The following TANC2 variants were observed in gnomAD, a reference collection of about 807,000 sequenced individuals.
TANC2 encodes the protein tetratricopeptide repeat, ankyrin repeat and coiled-coil containing 2.
TANC2 carries 26 observed loss-of-function variants against 210.5 expected under a neutral mutation model. The ratio of observed to expected loss-of-function variants is 0.12; its 90% confidence interval spans 0.09 to 0.17. The LOEUF (loss-of-function observed/expected upper bound fraction) is 0.17, where lower values mean the gene tolerates loss of function less well. Among genes scored for constraint, TANC2 ranks in the 10% least tolerant of loss-of-function variants. The pLI, the probability that TANC2 is intolerant of heterozygous loss-of-function variation, is 1.00. For synonymous variants in TANC2, 931 were observed against 967.1 expected, an observed-to-expected ratio of 0.96 and a Z score of 0.69; for missense variants, 2,129 against 2,608.9, an observed-to-expected ratio of 0.82 and a Z score of 4.01.
chr17:63,193,959 G>T (rs1462617348), intron 5 of TANC2, 32 bp from the exon 6 acceptor site: 4 of 1,587,006 alleles, frequency 2.5e-6, no homozygotes, highest in Non-Finnish European at 3.4e-6. Flanking sequence ...TATTTTGAAA[G>T]ATTCATGTTC....
chr17:63,042,605 A>C (rs1204515276), intron 2 of TANC2, among the ~76,000 whole-genome samples: 1 of 152,164 alleles, frequency 6.6e-6, no homozygotes, highest in Non-Finnish European at 1.5e-5. Context: ...CATTGTATTA[A>C]AAAATACTCG....
At chr17:63,284,112 G>C (rs2044148533) in intron 9 of TANC2, among the ~76,000 whole-genome samples, 2 of 151,914 alleles carry the variant, frequency 1.3e-5, no homozygotes, top group African/African-American at 4.8e-5. Context: ...TTCCATATCA[G>C]ATTAAGGAAG....
intron 5 of TANC2, among the ~76,000 whole-genome samples, chr17:63,159,002 CG>C (rs2039933970): frequency 6.6e-6 from 1 of 152,176 alleles, no homozygotes; most frequent in Non-Finnish European, 1.5e-5. Flanking sequence ...GCTATGTGGG[CG>C]TCTCCGTAGG....
At chr17:63,262,110 C>CAT (rs2043376493) in intron 8 of TANC2, among the ~76,000 whole-genome samples, 1 of 152,136 alleles carries the variant, frequency 6.6e-6, no homozygotes, top group African/African-American at 2.4e-5. Flanking sequence ...CACACACACA[C>CAT]ATATATAACA....
chr17:63,230,057 A>C (rs560969001), intron 7 of TANC2, among the ~76,000 whole-genome samples: 1 of 152,008 alleles, frequency 6.6e-6, no homozygotes, highest in East Asian at 1.9e-4. Context: ...CAACCTCCCA[A>C]AGTGATGGGA....
intron 8 of TANC2, among the ~76,000 whole-genome samples, chr17:63,242,635 T>C (rs901893696): frequency 2.0e-5 from 3 of 151,992 alleles, no homozygotes; most frequent in Admixed American, 6.6e-5. Flanking sequence ...AGGTCAAAAA[T>C]GAGTGGGATT....
At chr17:63,096,766 A>G (rs1373177967) in intron 3 of TANC2, among the ~76,000 whole-genome samples, 1 of 152,118 alleles carries the variant, frequency 6.6e-6, no homozygotes. Flanking sequence ...GGTATATACA[A>G]AGGAGTGAAA....
intron 9 of TANC2, among the ~76,000 whole-genome samples, chr17:63,276,494 CTTT>C (rs554302518): frequency 6.7e-5 from 9 of 134,170 alleles, no homozygotes; most frequent in African/African-American, 8.1e-5. Context: ...TTTTCCCTTT[CTTT>C]TTTTTTTTTT....
intron 4 of TANC2, among the ~76,000 whole-genome samples, chr17:63,107,256 T>C (rs918539065): frequency 1.3e-5 from 2 of 151,430 alleles, no homozygotes; most frequent in African/African-American, 4.9e-5. Flanking sequence ...TTCCAGGGAG[T>C]GTTATTTATA....
At chr17:62,968,704 C>T (rs766568095) in intron 1 of TANC2, among the ~76,000 whole-genome samples, 8 of 152,086 alleles carry the variant, frequency 5.3e-5, no homozygotes, top group South Asian at 2.1e-4. Flanking sequence ...TAGTTGCGCT[C>T]GGGGAACCAG....
At chr17:63,368,183 A>T (rs1035645146) in intron 14 of TANC2, among the ~76,000 whole-genome samples, 14 of 152,196 alleles carry the variant, frequency 9.2e-5, no homozygotes, top group African/African-American at 3.1e-4. Context: ...TTTATCTTGA[A>T]TGATGGATAA....
At chr17:63,249,986 A>G (rs956124238) in intron 8 of TANC2, among the ~76,000 whole-genome samples, 3 of 152,152 alleles carry the variant, frequency 2.0e-5, no homozygotes, top group African/African-American at 7.2e-5. Flanking sequence ...TCTTCTGCCC[A>G]CTTGTAGTGT....
chr17:63,287,250 A>C (rs1295343647), intron 9 of TANC2, among the ~76,000 whole-genome samples: 1 of 152,088 alleles, frequency 6.6e-6, no homozygotes, highest in Non-Finnish European at 1.5e-5. Flanking sequence ...AGATGTTCTA[A>C]TTTTATATCT....
At position 63,412,609 on chromosome 17, in the gene TANC2, T is replaced by C; in HGVS notation, c.3899-71T>C. 3 of 987,064 alleles carry C rather than the reference T, an allele frequency of 3.0e-6. No homozygotes were observed. The highest frequency in any genetic ancestry group is 4.1e-6 in the Non-Finnish European group (3 of 723,564). 61.1% of individuals were successfully genotyped at this position (987,064 alleles called of 1,614,324 possible). On this transcript the variant is annotated intron_variant, in intron 23 of 27. Transcript: ENST00000689528. The surrounding 1 kb of genome is among the most constrained non-coding windows in gnomAD (Gnocchi z 4.2). ...CCTCTCACTGCTGCTTTTTCCTTCT[T>C]TTTTTTTTTTTCACCTTCATCCATT... is the stretch of plus-strand genomic sequence containing the variant.
intron 21 of TANC2, among the ~76,000 whole-genome samples, chr17:63,410,346 C>T (rs944264536): frequency 4.7e-5 from 6 of 128,120 alleles, no homozygotes; most frequent in South Asian, 2.8e-4. Context: ...ATCCCCCCCC[C>T]CCATCTCCTA....
In TANC2 at chr17:63,421,204, A is replaced by C; in HGVS notation, c.5474A>C (p.Gln1825Pro). The C allele has an allele frequency of 6.2e-7, 1 of 1,614,006 alleles. No homozygotes were observed. Among genetic ancestry groups the C allele is most frequent in the Non-Finnish European group, 8.5e-7 (1 of 1,179,898 alleles). Reference sequence around the variant, plus strand: ...CTAGATCTGGAGCGCTCCTCCAGCCAACTAGGTTCCCCTGATGTGTCGCAT... The same window carrying C: ...CTAGATCTGGAGCGCTCCTCCAGCCCACTAGGTTCCCCTGATGTGTCGCAT... The change falls in exon 28 of 28, where the codon CAA becomes CCA. Residue 1825 changes from glutamine (Q) to proline (P), a missense_variant. Physicochemically the swap from Gln to Pro is moderately conservative, Grantham distance 76 (BLOSUM62 -1). Coordinates refer to ENST00000689528, the Ensembl canonical transcript of TANC2. The surrounding 1 kb of genome is among the most constrained non-coding windows in gnomAD (Gnocchi z 6.9).
At chr17:63,242,612 T>C (rs1199062797) in intron 8 of TANC2, among the ~76,000 whole-genome samples, 1 of 152,050 alleles carries the variant, frequency 6.6e-6, no homozygotes, top group African/African-American at 2.4e-5. Flanking sequence ...ATAATATATG[T>C]AAGAGAGATA....
chr17:63,018,919 G>A (rs2034230475), intron 2 of TANC2, among the ~76,000 whole-genome samples: 1 of 152,138 alleles, frequency 6.6e-6, no homozygotes, highest in African/African-American at 2.4e-5. Context: ...CCATGGTATG[G>A]TTATACCACT....
At chr17:62,987,558 G>A (rs1598195055) in intron 1 of TANC2, among the ~76,000 whole-genome samples, 1 of 152,164 alleles carries the variant, frequency 6.6e-6, no homozygotes, top group African/African-American at 2.4e-5. Flanking sequence ...GTGGCAGTGG[G>A]GACTAGTGGG....
Sources: allele counts gnomAD v4.1 joint callset (sites outside exome capture counted in the v4.1 genomes callset), GRCh38; gene constraint gnomAD v4.1.1; non-coding constraint Gnocchi (gnomAD v3.1); transcripts MANE v1.5; gene names NCBI Gene and HGNC (gene_info 2026-07-23, HGNC 2026-07-21).